The following GLIS3 variants were observed in gnomAD, a reference collection of about 807,000 sequenced individuals.
GLIS3 encodes zinc finger protein GLIS3.
GLIS3 carries 53 observed loss-of-function variants against 78.6 expected under a neutral mutation model. The observed-to-expected ratio is 0.67, with a 90% confidence interval of 0.54 to 0.85. The LOEUF is 0.85. Ranked by LOEUF, GLIS3 falls within the 40% of genes least tolerant of loss-of-function variation. GLIS3 has a pLI of 0.00. For missense variants in GLIS3, 1,703 were observed against 1,231.1 expected (o/e 1.38, Z -5.74); for synonymous variants, 684 against 509.9 (o/e 1.34, Z -4.60).
At chr9:3,850,871 C>T (rs866762908) in intron 9 of GLIS3, among the ~76,000 whole-genome samples, 1 of 152,236 alleles carries the variant, frequency 6.6e-6, no homozygotes, top group African/African-American at 2.4e-5. Context: ...TGCCTTTACT[C>T]ACTTGGCCTG....
the GLIS3 span, among the ~76,000 whole-genome samples, chr9:4,413,430 A>G: frequency 5.3e-5 from 8 of 152,318 alleles, no homozygotes; most frequent in South Asian, 4.1e-4. Flanking sequence ...AAGGGTTTCT[A>G]TAAGAGTTGT....
intron 8 of GLIS3, among the ~76,000 whole-genome samples, 173 bp downstream of exon 8, chr9:3,879,254 G>C (rs1053966999): frequency 6.6e-6 from 1 of 152,180 alleles, no homozygotes; most frequent in Admixed American, 6.5e-5. Flanking sequence ...AAATGAAACA[G>C]ATAATGAGAT....
At chr9:3,849,189 G>GATGGGAAAAC in intron 9 of GLIS3, among the ~76,000 whole-genome samples, 1 of 152,222 alleles carries the variant, frequency 6.6e-6, no homozygotes, top group East Asian at 1.9e-4. Context: ...GAATGGAAGA[G>GATGGGAAAAC]ATGGGAAAAC....
At chr9:4,292,837 G>A (rs1289562301) in intron 1 of GLIS3, among the ~76,000 whole-genome samples, 1 of 152,170 alleles carries the variant, frequency 6.6e-6, no homozygotes, top group African/African-American at 2.4e-5. Flanking sequence ...TTTGAGAACT[G>A]AGTCTTTCAA....
chr9:4,435,394 G>A, the GLIS3 span, among the ~76,000 whole-genome samples: 15 of 152,144 alleles, frequency 9.9e-5, no homozygotes, highest in Non-Finnish European at 2.2e-4. Context: ...CAGAGTTTCC[G>A]GGAGCTTAGC....
At chr9:4,209,544 C>A (rs1563759934) in intron 2 of GLIS3, among the ~76,000 whole-genome samples, 1 of 152,180 alleles carries the variant, frequency 6.6e-6, no homozygotes, top group Non-Finnish European at 1.5e-5. Flanking sequence ...GTGCTATTCT[C>A]ATTGTGCCTG....
At chr9:4,447,707 T>C in the GLIS3 span, among the ~76,000 whole-genome samples, 1 of 152,114 alleles carries the variant, frequency 6.6e-6, no homozygotes, top group Non-Finnish European at 1.5e-5. Flanking sequence ...AAATTTTTTC[T>C]CCATTAGATG....
At chr9:4,042,125 T>G (rs1824863336) in intron 4 of GLIS3, among the ~76,000 whole-genome samples, 1 of 152,102 alleles carries the variant, frequency 6.6e-6, no homozygotes, top group Admixed American at 6.5e-5. Context: ...AAGCTTGGGT[T>G]TTTGTTTTTT....
chr9:3,899,383 A>G (rs1823114507), intron 6 of GLIS3, among the ~76,000 whole-genome samples: 1 of 152,122 alleles, frequency 6.6e-6, no homozygotes, highest in African/African-American at 2.4e-5. Flanking sequence ...TCAGTTACAT[A>G]AAAACAGAAC....
chr9:4,290,730 C>T (rs748528500), intron 1 of GLIS3, among the ~76,000 whole-genome samples: 2 of 152,084 alleles, frequency 1.3e-5, no homozygotes, highest in African/African-American at 4.8e-5. Flanking sequence ...AAACCAATCA[C>T]GTAAGTCATT....
chr9:4,298,041 C>CGCGA (rs1367523088), intron 1 of GLIS3, among the ~76,000 whole-genome samples: 2 of 152,156 alleles, frequency 1.3e-5, no homozygotes, highest in Non-Finnish European at 2.9e-5. Context: ...CGGCCCCGTG[C>CGCGA]GCGAGCGAGC....
intron 4 of GLIS3, among the ~76,000 whole-genome samples, chr9:4,024,644 T>A (rs1246054993): frequency 6.6e-6 from 1 of 152,100 alleles, no homozygotes; most frequent in African/African-American, 2.4e-5. Context: ...TGGGAGGAGG[T>A]CTGCTCTTCC....
At chr9:4,117,735 A>C in intron 4 of GLIS3, 33 bp downstream of exon 4, 2 of 1,614,104 alleles carry the variant, frequency 1.2e-6, no homozygotes, top group East Asian at 4.5e-5. Flanking sequence ...CGGGCCTTCA[A>C]GAGAGGTCAC....
intron 2 of GLIS3, among the ~76,000 whole-genome samples, chr9:4,217,341 TA>T (rs886110596): frequency 2.6e-5 from 4 of 152,182 alleles, no homozygotes; most frequent in African/African-American, 9.7e-5. Context: ...ATAAAAATTT[TA>T]AAAACTTGTT....
the GLIS3 span, among the ~76,000 whole-genome samples, chr9:4,416,111 G>A: frequency 3.3e-4 from 50 of 151,688 alleles, no homozygotes; most frequent in African/African-American, 4.8e-4. Flanking sequence ...AAGTGGCCAG[G>A]TGCAGTGGCT....
chr9:4,409,957 C>G, the GLIS3 span, among the ~76,000 whole-genome samples: 1 of 152,012 alleles, frequency 6.6e-6, no homozygotes, highest in Non-Finnish European at 1.5e-5. Context: ...GGTTTAAAAA[C>G]TAGGTTTTGG....
chr9:4,035,078 A>C lies in GLIS3; in HGVS notation c.1710+82690T>G, dbSNP rs575356935. ...GACAATAAAGCAGAAACTTGAAAAGAAGCAGCAACACTAGTCTAAAAGTAC... is the reference window on the plus strand; with the variant it reads ...GACAATAAAGCAGAAACTTGAAAAGCAGCAGCAACACTAGTCTAAAAGTAC... On this transcript the variant is annotated intron_variant, in intron 4 of 10. Transcript: ENST00000381971. 5.3e-5 allele frequency: 8 copies of C among 152,322 alleles called. No homozygotes were observed. In the East Asian group the frequency reaches 5.8e-4, roughly 11 times the overall value. 9.4% of individuals were successfully genotyped at this position (152,322 alleles called of 1,614,324 possible).
At chr9:4,211,788 A>G (rs1293691088) in intron 2 of GLIS3, among the ~76,000 whole-genome samples, 3 of 152,248 alleles carry the variant, frequency 2.0e-5, no homozygotes, top group East Asian at 3.8e-4. Flanking sequence ...CAACTGATGA[A>G]TGGAGAAGTA....
At chr9:3,985,652 T>C (rs1411670199) in intron 4 of GLIS3, among the ~76,000 whole-genome samples, 1 of 152,188 alleles carries the variant, frequency 6.6e-6, no homozygotes, top group Non-Finnish European at 1.5e-5. Flanking sequence ...TAAGAAACAA[T>C]GTCAATTAGT....
Sources: gnomAD v4.1 joint callset for allele counts (sites outside exome capture counted in the v4.1 genomes callset) on GRCh38, gnomAD v4.1.1 for gene constraint, MANE v1.5 for transcripts, NCBI Gene and HGNC (gene_info 2026-07-23, HGNC 2026-07-21) for gene names.